TOP3A: variants seen among roughly 807,000 people sequenced by gnomAD.
TOP3A encodes DNA topoisomerase III alpha.
In TOP3A, 64 loss-of-function variants were observed where a neutral mutation model predicts 111.3. That is an observed-to-expected ratio of 0.57 (90% CI 0.47 to 0.71). TOP3A has a LOEUF of 0.71. Among genes scored for constraint, TOP3A ranks in the 30% least tolerant of loss-of-function variants. TOP3A has a pLI of 0.00. For synonymous variants in TOP3A, 484 were observed against 485.1 expected (o/e 1.00, Z 0.03); for missense variants, 1,104 against 1,285.0 (o/e 0.86, Z 2.15).
Position 18,306,956 on chromosome 17 carries a change from T to C in TOP3A, c.325A>G (p.Asn109Asp), listed in dbSNP as rs773841300. The C allele has an allele frequency of 6.2e-6, 10 of 1,613,430 alleles. No individual in the cohort carries two copies. The highest frequency in any genetic ancestry group is 8.5e-6 in the Non-Finnish European group (10 of 1,179,628). ...QMQFRKWQSC[N>D]PLVLFEAEIE... ...TCTGCTTCAAAGAGGACAAGAGGGT[T>C]GCAGCTCTGCCTAGAAAAGAAATGA... The change falls in exon 4 of 19, where the codon AAC becomes GAC. Residue 109 changes from asparagine to aspartate, a missense_variant. Physicochemically the swap from Asn to Asp is conservative, Grantham distance 23 (BLOSUM62 1). Transcript: ENST00000321105.
intron 3 of TOP3A, 87 bp downstream of exon 3, chr17:18,308,264 C>G (rs781301150): frequency 4.1e-6 from 2 of 485,040 alleles, no homozygotes; most frequent in South Asian, 7.3e-5. Context: ...AAAAAATTAC[C>G]CAGTAAGATC....
intron 8 of TOP3A, among the ~76,000 whole-genome samples, chr17:18,301,271 G>A (rs1190886065): frequency 6.6e-6 from 1 of 152,138 alleles, no homozygotes; most frequent in Admixed American, 6.5e-5. Flanking sequence ...ATTAGGGTGG[G>A]TCCCAACTCT....
chr17:18,307,394 C>G (rs1006393370), intron 3 of TOP3A: 1 of 155,466 alleles, frequency 6.4e-6, no homozygotes, highest in African/African-American at 2.4e-5. Context: ...GTCAGGAGAT[C>G]GAGACTAGCC....
rs533439777 is a variant in TOP3A at position 18,305,972 on chromosome 17, C to T, written c.391-752G>A. 8.6e-5 allele frequency among the ~76,000 whole-genome samples: 13 copies of T among 150,530 alleles called. No homozygotes were observed. The South Asian group carries it at 1.9e-3, about 22-fold the overall frequency. On this transcript the variant is annotated intron_variant, in intron 4 of 18. Transcript: ENST00000321105. ...ATCCCAAAACTTTAGGAGGCTGAGGCGGGTGGATCACGTGAGGTCAGGAGT... is the reference window on the plus strand; with the variant it reads ...ATCCCAAAACTTTAGGAGGCTGAGGTGGGTGGATCACGTGAGGTCAGGAGT...
Position 18,299,594 on chromosome 17 carries a change from T to A in TOP3A, c.955A>T (p.Lys319Ter), listed in dbSNP as rs1488142343. 3.1e-6 allele frequency: 5 copies of A among 1,614,120 alleles called. No homozygotes were observed. Among genetic ancestry groups the A allele is most frequent in the Admixed American group, 1.7e-5 (1 of 60,024 alleles). The change falls in exon 9 of 19, where the codon AAG becomes TAG. Residue 319 changes from lysine to a stop codon, truncating the protein, a stop_gained. Coordinates refer to ENST00000321105, the MANE Select transcript of TOP3A (RefSeq NM_004618.5). LOFTEE classifies it high-confidence loss of function. ...ATVVEVRSKP[K>*]SKWRPQALDT... is the part of the protein sequence containing the mutation. ...AAGGCTTGAGGCCGCCACTTGCTCT[T>A]GGGCTTAGATCTGACCTCTACCACA...
chr17:18,274,083 CA>C lies in TOP3A; in HGVS notation c.*718del, dbSNP rs1979172092. The stretch of plus-strand genomic sequence containing the variant: ...TCCTGAGTAGCCGGGTCTACAGGCG[CA>C]CACCGCCACACCTGGCTAATTTTTT... On this transcript the variant is annotated 3_prime_UTR_variant, in exon 19 of 19. Transcript: ENST00000321105. The C allele has an allele frequency of 6.6e-6, 1 of 152,092 alleles. No individual in the cohort carries two copies. The highest frequency in any genetic ancestry group is 2.4e-5 in the African/African-American group (1 of 41,368). 9.4% of individuals were successfully genotyped at this position (152,092 alleles called of 1,614,324 possible).
intron 8 of TOP3A, among the ~76,000 whole-genome samples, chr17:18,301,463 T>C (rs1041662573): frequency 7.2e-5 from 11 of 152,240 alleles, no homozygotes; most frequent in African/African-American, 2.7e-4. Context: ...TCCTAGCTTT[T>C]ATCACTATAT....
chr17:18,302,501 C>T (rs1981296879), intron 6 of TOP3A, 67 bp from the exon 7 acceptor site: 1 of 1,595,252 alleles, frequency 6.3e-7, no homozygotes, highest in Non-Finnish European at 8.6e-7. Flanking sequence ...GCTGGCTGCA[C>T]ATATCGACAC....
At chr17:18,286,628 G>T (rs1300515649) in intron 13 of TOP3A, among the ~76,000 whole-genome samples, 6 of 152,156 alleles carry the variant, frequency 3.9e-5, no homozygotes, top group African/African-American at 1.2e-4. Flanking sequence ...TGGATAAACT[G>T]GAATCCTAGT....
intron 9 of TOP3A, 63 bp downstream of exon 9, chr17:18,299,496 G>A: frequency 6.7e-7 from 1 of 1,486,672 alleles, no homozygotes; most frequent in Non-Finnish European, 9.4e-7. Context: ...CTAGGCGGTA[G>A]AACCACAGCC....
Position 18,302,319 on chromosome 17 carries a change from C to T in TOP3A, c.759G>A (p.Val253=). 1 of 1,613,222 alleles carries T rather than the reference C, an allele frequency of 6.2e-7. No homozygotes were observed. The highest frequency in any genetic ancestry group is 8.5e-7 in the Non-Finnish European group (1 of 1,180,002). ...SCQFPTLGFV[V]ERFKAIQAFV... ...AAGCCTGAATGGCTTTGAACCGCTC[C>T]ACCACAAAGCCCAGTGTGGGGAACT... Residue 253 remains valine (V), a synonymous_variant, in exon 7 of 19, where the codon GTG becomes GTA. Coordinates refer to ENST00000321105, the MANE Select transcript of TOP3A (RefSeq NM_004618.5).
intron 16 of TOP3A, among the ~76,000 whole-genome samples, chr17:18,281,203 T>C (rs1033818514): frequency 6.6e-6 from 1 of 152,216 alleles, no homozygotes; most frequent in Non-Finnish European, 1.5e-5. Context: ...ACGTTAGGGT[T>C]TGACTAGCTA....
At chr17:18,289,114 G>A (rs1980307186) in intron 13 of TOP3A, among the ~76,000 whole-genome samples, 1 of 152,156 alleles carries the variant, frequency 6.6e-6, no homozygotes, top group African/African-American at 2.4e-5. Context: ...CCGGGTTCAT[G>A]CAATTCTCCT....
At chr17:18,285,686 G>A (rs1402536727) in intron 13 of TOP3A, among the ~76,000 whole-genome samples, 166 bp from the exon 14 acceptor site, 1 of 152,118 alleles carries the variant, frequency 6.6e-6, no homozygotes, top group African/African-American at 2.4e-5. Context: ...AATCACAATG[G>A]CAACCTCAAC....
intron 13 of TOP3A, among the ~76,000 whole-genome samples, chr17:18,288,629 AC>A (rs1980275735): frequency 6.6e-6 from 1 of 151,612 alleles, no homozygotes; most frequent in Non-Finnish European, 1.5e-5. Context: ...TTCTATGGCC[AC>A]CCCCCTCCAA....
intron 9 of TOP3A, among the ~76,000 whole-genome samples, chr17:18,298,365 C>T (rs1980988545): frequency 6.7e-6 from 1 of 148,514 alleles, no homozygotes; most frequent in African/African-American, 2.6e-5. Flanking sequence ...CCAGCCGCCC[C>T]ATCCGGGAGG....
intron 13 of TOP3A, among the ~76,000 whole-genome samples, chr17:18,286,394 T>C (rs1279707176): frequency 6.7e-6 from 1 of 150,008 alleles, no homozygotes; most frequent in African/African-American, 2.5e-5. Context: ...CGGGCACCTG[T>C]AGTCCCAGCT....
chr17:18,286,426 G>A (rs1316829622), intron 13 of TOP3A, among the ~76,000 whole-genome samples: 1 of 151,922 alleles, frequency 6.6e-6, no homozygotes, highest in East Asian at 1.9e-4. Context: ...TGACACAGAA[G>A]AATGGCATGA....
In TOP3A at chr17:18,274,906, G is replaced by A. The variant is rs868844332; in HGVS notation, c.2902C>T (p.Arg968Trp). Residue 968 changes from arginine to tryptophan, a missense_variant, in exon 19 of 19, where the codon CGG (arginine) becomes TGG (tryptophan). Physicochemically the swap from Arg to Trp is moderately radical, Grantham distance 101. Transcript: ENST00000321105. ...LESEARSKRP[R>W]ASSSDMGSTA... Reference sequence around the variant, plus strand: ...GACCCCATGTCTGAGGAACTGGCCCGGGGCCTTTTGCTTCTGGCTTCCGAC... The same window carrying A: ...GACCCCATGTCTGAGGAACTGGCCCAGGGCCTTTTGCTTCTGGCTTCCGAC... 4.4e-5 allele frequency: 71 copies of A among 1,614,010 alleles called. No individual in the cohort carries two copies. The highest frequency in any genetic ancestry group is 5.4e-5 in the Non-Finnish European group (64 of 1,180,030).
Sources: gnomAD v4.1 joint callset for allele counts (sites outside exome capture counted in the v4.1 genomes callset) on GRCh38, gnomAD v4.1.1 for gene constraint, MANE v1.5 for transcripts, NCBI Gene and HGNC (gene_info 2026-07-23, HGNC 2026-07-21) for gene names.